Variants in GALNT17 observed in about 807,000 individuals in gnomAD.
GALNT17 encodes the protein polypeptide N-acetylgalactosaminyltransferase 17.
GALNT17 carries 29 observed loss-of-function variants against 63.7 expected under a neutral mutation model. That is an observed-to-expected ratio of 0.46 (90% CI 0.34 to 0.62). GALNT17 has a LOEUF of 0.62. GALNT17 is among the 20% of genes least tolerant of loss of function. GALNT17 has a pLI of 0.01. For missense variants in GALNT17, 603 were observed against 799.6 expected (o/e 0.75, Z 2.97); for synonymous variants, 305 against 318.3 (o/e 0.96, Z 0.45).
At chr7:71,282,747 T>G in intron 1 of GALNT17, among the ~76,000 whole-genome samples, 2 of 150,424 alleles carry the variant, frequency 1.3e-5, no homozygotes, top group Admixed American at 6.6e-5. Flanking sequence ...AGGTTTCAGG[T>G]GAAGCAGATA....
chr7:71,536,614 A>G (rs759968125), intron 5 of GALNT17, among the ~76,000 whole-genome samples: 7 of 152,180 alleles, frequency 4.6e-5, no homozygotes, highest in Non-Finnish European at 1.0e-4. Flanking sequence ...CTTATTCACT[A>G]CCATGAGAAC....
At chr7:71,618,655 G>T (rs1790251236) in intron 6 of GALNT17, among the ~76,000 whole-genome samples, 1 of 151,974 alleles carries the variant, frequency 6.6e-6, no homozygotes, top group African/African-American at 2.4e-5. Flanking sequence ...ATTTTTTAAT[G>T]GGGCTATTTG....
chr7:71,608,529 TA>T (rs1218430471), intron 6 of GALNT17, among the ~76,000 whole-genome samples: 3 of 152,190 alleles, frequency 2.0e-5, no homozygotes, highest in African/African-American at 7.2e-5. Context: ...AGTACCATCA[TA>T]TAATTTTGAG....
intron 5 of GALNT17, among the ~76,000 whole-genome samples, chr7:71,488,602 CAG>C (rs1359983641): frequency 8.9e-6 from 1 of 112,162 alleles, no homozygotes. Context: ...TTTTTGGAGA[CAG>C]AGTTTTACTG....
intron 1 of GALNT17, among the ~76,000 whole-genome samples, chr7:71,145,611 A>G (rs1452487971): frequency 6.6e-6 from 1 of 152,238 alleles, no homozygotes; most frequent in Non-Finnish European, 1.5e-5. Context: ...TGACCTAGTG[A>G]TGAACGCAGA....
intron 5 of GALNT17, among the ~76,000 whole-genome samples, chr7:71,551,074 G>A (rs951528828): frequency 2.6e-5 from 4 of 151,634 alleles, no homozygotes; most frequent in African/African-American, 9.7e-5. Flanking sequence ...CTGTCCTCTG[G>A]GATTTCACAA....
At chr7:71,310,800 G>A (rs1791402391) in intron 1 of GALNT17, among the ~76,000 whole-genome samples, 1 of 152,332 alleles carries the variant, frequency 6.6e-6, no homozygotes, top group East Asian at 1.9e-4. Flanking sequence ...GGCTAGAGAA[G>A]TGGCTCTGTC....
At chr7:71,370,366 A>G (rs890375159) in intron 2 of GALNT17, among the ~76,000 whole-genome samples, 1 of 152,134 alleles carries the variant, frequency 6.6e-6, no homozygotes, top group Middle Eastern at 3.2e-3. Context: ...TGGCAGCATC[A>G]TGGCTCACTG....
At position 71,278,683 on chromosome 7, in the gene GALNT17, AAGG is replaced by A. The variant is rs143387042; in HGVS notation, c.239-56864_239-56862del. Among the ~76,000 whole-genome samples the A allele has an allele frequency of 4.1e-3, 626 of 152,272 alleles. 4 individuals carry two copies. The highest frequency in any genetic ancestry group is 0.015 in the African/African-American group (606 of 41,560). ...ACATCCTTCTTCACGTGGTGGCAGG[AAGG>A]AGAAGTGCTGAGCAGAAGGGGGAAA... On this transcript the variant is annotated intron_variant, in intron 1 of 10. Transcript: ENST00000333538.
chr7:71,432,361 G>A (rs1325181083), intron 5 of GALNT17, among the ~76,000 whole-genome samples: 1 of 152,158 alleles, frequency 6.6e-6, no homozygotes, highest in Non-Finnish European at 1.5e-5. Flanking sequence ...GGTTTTTACT[G>A]TGGGTCAGTC....
chr7:71,171,078 C>T (rs188271624), intron 1 of GALNT17, among the ~76,000 whole-genome samples: 61 of 152,092 alleles, frequency 4.0e-4, no homozygotes, highest in African/African-American at 1.3e-3. Context: ...TAAAAGAAGC[C>T]GTATATCTCT....
intron 6 of GALNT17, among the ~76,000 whole-genome samples, chr7:71,633,338 G>A (rs1265186930): frequency 6.6e-6 from 1 of 152,044 alleles, no homozygotes; most frequent in African/African-American, 2.4e-5. Flanking sequence ...ATAGGATGGG[G>A]CTTCAAATCA....
intron 5 of GALNT17, among the ~76,000 whole-genome samples, chr7:71,526,117 G>A (rs555057039): frequency 6.6e-6 from 1 of 152,244 alleles, no homozygotes; most frequent in South Asian, 2.1e-4. Context: ...AACTGTTAGA[G>A]ATTTTTAGTG....
chr7:71,320,034 C>G (rs1353028512), intron 1 of GALNT17, among the ~76,000 whole-genome samples: 1 of 152,128 alleles, frequency 6.6e-6, no homozygotes, highest in Non-Finnish European at 1.5e-5. Flanking sequence ...AAGCAAGTCT[C>G]GTGGCCAAGC....
chr7:71,287,436 A>G (rs1360694538), intron 1 of GALNT17, among the ~76,000 whole-genome samples: 9 of 152,186 alleles, frequency 5.9e-5, no homozygotes, highest in African/African-American at 2.2e-4. Flanking sequence ...TATCTACTAG[A>G]TAAGAGGAGG....
intron 6 of GALNT17, among the ~76,000 whole-genome samples, chr7:71,611,175 T>A (rs1584088674): frequency 6.6e-6 from 1 of 152,030 alleles, no homozygotes; most frequent in East Asian, 1.9e-4. Flanking sequence ...CCATTATTCC[T>A]CCCCACCATG....
At chr7:71,644,542 A>AC (rs1348237307) in intron 6 of GALNT17, among the ~76,000 whole-genome samples, 1,962 of 136,164 alleles carry the variant, frequency 0.014, 26 homozygotes, top group Middle Eastern at 0.04. Context: ...AAAAAAAAAA[A>AC]AAAAAAACAA....
At chr7:71,568,211 C>CA (rs1789381866) in intron 5 of GALNT17, among the ~76,000 whole-genome samples, 1 of 152,174 alleles carries the variant, frequency 6.6e-6, no homozygotes, top group African/African-American at 2.4e-5. Context: ...GGGCTAAAAT[C>CA]AAGGGCTTTG....
intron 5 of GALNT17, among the ~76,000 whole-genome samples, chr7:71,530,513 C>G (rs1329440578): frequency 1.3e-5 from 2 of 152,034 alleles, no homozygotes; most frequent in Non-Finnish European, 2.9e-5. Context: ...CCTTCTAAAT[C>G]AGTGTCTTTT....
Sources: gnomAD v4.1 joint callset for allele counts (sites outside exome capture counted in the v4.1 genomes callset) on GRCh38, gnomAD v4.1.1 for gene constraint, MANE v1.5 for transcripts, NCBI Gene and HGNC (gene_info 2026-07-23, HGNC 2026-07-21) for gene names.